SAMD3: variants seen among roughly 807,000 people sequenced by gnomAD.
SAMD3 encodes the protein sterile alpha motif domain-containing protein 3.
Under a neutral mutation model 58.5 loss-of-function variants are expected in SAMD3, and 63 were observed. The ratio of observed to expected loss-of-function variants is 1.08; its 90% CI spans 0.88 to 1.33. The LOEUF is 1.33. SAMD3 is among the 40% of genes most tolerant of loss of function. The pLI, the probability that SAMD3 is intolerant of heterozygous loss-of-function variation, is 0.00. For synonymous variants in SAMD3, 220 were observed against 210.3 expected (o/e 1.05, Z -0.40); for missense variants, 604 against 608.4 (o/e 0.99, Z 0.08).
In SAMD3 at chr6:130,290,596, T is replaced by C. The variant is rs184510177; in HGVS notation, c.-188+22382A>G. ...CAGCACAATACAGCATTAAGATGAA[T>C]ATCTGGGCTCTTGATTTAGGTTGCC... is the stretch of plus-strand genomic sequence containing the variant. On this transcript the variant is annotated intron_variant, in intron 2 of 13. Coordinates refer to the SAMD3 transcript ENST00000368134. Among the ~76,000 whole-genome samples, 21 of 152,334 alleles carry C rather than the reference T, an allele frequency of 1.4e-4. 1 individual carries two copies. In the East Asian group the frequency reaches 3.1e-3, roughly 22 times the overall value.
At chr6:130,270,865 T>C (rs184360365) in intron 2 of SAMD3, among the ~76,000 whole-genome samples, 169 of 152,372 alleles carry the variant, frequency 1.1e-3, no homozygotes, top group Non-Finnish European at 1.6e-3. Context: ...TTTCTTAAAG[T>C]AACTGTATGA....
At chr6:130,353,820 C>T (rs983089122) in intron 1 of SAMD3, among the ~76,000 whole-genome samples, 6 of 152,104 alleles carry the variant, frequency 3.9e-5, no homozygotes, top group African/African-American at 1.4e-4. Context: ...ATATCTCAGA[C>T]ATCAGTTCTC....
At chr6:130,189,792 T>TA (rs1040392948) in intron 5 of SAMD3, among the ~76,000 whole-genome samples, 5 of 152,270 alleles carry the variant, frequency 3.3e-5, no homozygotes, top group East Asian at 3.9e-4. Context: ...AAACACATTT[T>TA]AAAAAAATTA....
At chr6:130,347,808 T>C (rs369041860) in intron 1 of SAMD3, among the ~76,000 whole-genome samples, 1 of 152,010 alleles carries the variant, frequency 6.6e-6, no homozygotes, top group African/African-American at 2.4e-5. Context: ...AAGGAAAAAA[T>C]GTTAAGGGCA....
chr6:130,252,427 C>T (rs913858996), intron 2 of SAMD3, among the ~76,000 whole-genome samples: 3 of 151,958 alleles, frequency 2.0e-5, no homozygotes, highest in African/African-American at 7.3e-5. Flanking sequence ...AATATGGGTA[C>T]ACTATCTTTT....
intron 9 of SAMD3, 105 bp downstream of exon 9, chr6:130,154,710 AAAAAAAAAAT>A (rs56103259): frequency 0.075 from 9,244 of 123,692 alleles, 204 homozygotes; most frequent in Non-Finnish European, 0.094. Flanking sequence ...AAAAAAAAAA[AAAAAAAAAAT>A]ATATATATAT....
At chr6:130,220,868 T>A (rs1054593671) in intron 1 of SAMD3, among the ~76,000 whole-genome samples, 19 of 152,280 alleles carry the variant, frequency 1.2e-4, no homozygotes, top group Admixed American at 8.5e-4. Context: ...ATATCTTTTT[T>A]TTTTTTTGAC....
rs539612417 is a variant in SAMD3 at position 130,196,583 on chromosome 6, C to T, written c.384-11960G>A. On this transcript the variant is annotated intron_variant, in intron 5 of 11. Transcript: ENST00000439090. ...TATGCTATAGTACAAGCCACTAGCC[C>T]GCCTCTTAGAACCTCTCATTTCCTT... is the stretch of plus-strand genomic sequence containing the variant. Among the ~76,000 whole-genome samples the T allele has an allele frequency of 3.3e-3, 496 of 152,280 alleles. 4 individuals carry two copies. Among genetic ancestry groups the T allele is most frequent in the African/African-American group, 9.5e-3 (393 of 41,536 alleles).
At chr6:130,145,135 T>TATA (rs942749049) in intron 11 of SAMD3, among the ~76,000 whole-genome samples, 6 of 152,130 alleles carry the variant, frequency 3.9e-5, no homozygotes, top group Non-Finnish European at 7.3e-5. Context: ...GGTGCATGCC[T>TATA]ATAATCCCAG....
chr6:130,272,063 A>T (rs1401192147), intron 2 of SAMD3, among the ~76,000 whole-genome samples: 2 of 152,182 alleles, frequency 1.3e-5, no homozygotes, highest in Non-Finnish European at 2.9e-5. Flanking sequence ...ATTGAGTTTT[A>T]TGTTTGGCCT....
chr6:130,153,401 A>G (rs998122902), intron 9 of SAMD3, among the ~76,000 whole-genome samples: 2 of 152,148 alleles, frequency 1.3e-5, no homozygotes, highest in African/African-American at 4.8e-5. Context: ...TTATGTTTCT[A>G]TTAAAATAAT....
intron 7 of SAMD3, among the ~76,000 whole-genome samples, chr6:130,177,472 C>T (rs552974892): frequency 1.3e-5 from 2 of 152,224 alleles, no homozygotes; most frequent in East Asian, 1.9e-4. Flanking sequence ...CACTGCTGGG[C>T]CTTCAGTTTG....
intron 1 of SAMD3, among the ~76,000 whole-genome samples, chr6:130,361,469 CA>C (rs769702954): frequency 6.6e-6 from 1 of 152,140 alleles, no homozygotes; most frequent in Admixed American, 6.5e-5. Flanking sequence ...TTACTGTTTA[CA>C]AACTCAGCTG....
chr6:130,295,767 C>T (rs1775548854), intron 2 of SAMD3, among the ~76,000 whole-genome samples: 1 of 152,160 alleles, frequency 6.6e-6, no homozygotes, highest in Non-Finnish European at 1.5e-5. Context: ...CTGCTATGGA[C>T]TGATGTTCTG....
intron 2 of SAMD3, among the ~76,000 whole-genome samples, chr6:130,238,760 ATT>A (rs1425390270): frequency 1.3e-5 from 2 of 151,892 alleles, no homozygotes; most frequent in African/African-American, 4.8e-5. Context: ...AGTTTCCCAG[ATT>A]TGTTTGTTTG....
chr6:130,218,219 G>A (rs182890683), intron 1 of SAMD3, among the ~76,000 whole-genome samples: 1 of 152,214 alleles, frequency 6.6e-6, no homozygotes, highest in African/African-American at 2.4e-5. Flanking sequence ...TCAGCAGAGC[G>A]AGGGTCCTGC....
intron 1 of SAMD3, among the ~76,000 whole-genome samples, chr6:130,327,313 G>A (rs560810399): frequency 2.0e-4 from 30 of 152,218 alleles, no homozygotes; most frequent in Admixed American, 7.2e-4. Flanking sequence ...AAAGCTGCCA[G>A]TAAACAGATA....
At chr6:130,227,666 T>C (rs965783859), upstream of SAMD3, among the ~76,000 whole-genome samples, 3 of 151,944 alleles carry the variant, frequency 2.0e-5, no homozygotes, top group South Asian at 6.2e-4. Flanking sequence ...CATGTGCCTA[T>C]AGTCCCAGCT....
chr6:130,186,826 A>G (rs1793019023), intron 5 of SAMD3, among the ~76,000 whole-genome samples: 1 of 133,390 alleles, frequency 7.5e-6, no homozygotes, highest in Non-Finnish European at 1.5e-5. Flanking sequence ...GCTGGAGTGC[A>G]GTGGTGCAAT....
Sources: allele counts gnomAD v4.1 joint callset (sites outside exome capture counted in the v4.1 genomes callset), GRCh38; gene constraint gnomAD v4.1.1; transcripts MANE v1.5; gene names NCBI Gene and HGNC (gene_info 2026-07-23, HGNC 2026-07-21).